The following DPP6 variants were observed in gnomAD, a reference collection of about 807,000 sequenced individuals.
The protein encoded by DPP6 is A-type potassium channel modulatory protein DPP6.
A neutral mutation model predicts 122.6 loss-of-function variants in DPP6; 69 were observed. The observed-to-expected ratio is 0.56, with a 90% CI of 0.46 to 0.69. The LOEUF (loss-of-function observed/expected upper bound fraction) is 0.69, where lower values mean the gene tolerates loss of function less well. Ranked by LOEUF, DPP6 falls within the 30% of genes least tolerant of loss-of-function variation. The pLI is 0.00. For missense variants in DPP6, 928 were observed against 1,116.9 expected, an observed-to-expected ratio of 0.83 and a Z score of 2.41; for synonymous variants, 418 against 433.1, an observed-to-expected ratio of 0.97 and a Z score of 0.43.
At chr7:154,410,476 A>C (rs781024646) in intron 1 of DPP6, among the ~76,000 whole-genome samples, 1 of 152,218 alleles carries the variant, frequency 6.6e-6, no homozygotes, top group African/African-American at 2.4e-5. Context: ...AGGCAGATGA[A>C]ACATTGAGAT....
At chr7:154,666,411 A>T (rs981850039) in intron 6 of DPP6, among the ~76,000 whole-genome samples, 2 of 152,090 alleles carry the variant, frequency 1.3e-5, no homozygotes, top group African/African-American at 4.8e-5. Flanking sequence ...AGGGTACAAT[A>T]TGATATTTTG....
At chr7:154,454,494 T>G (rs1820656692) in intron 2 of DPP6, among the ~76,000 whole-genome samples, 1 of 152,090 alleles carries the variant, frequency 6.6e-6, no homozygotes, top group East Asian at 1.9e-4. Flanking sequence ...AATGAGCAAT[T>G]AGGGACTTTA....
At chr7:154,579,666 T>C (rs1318771147) in intron 5 of DPP6, among the ~76,000 whole-genome samples, 1 of 152,184 alleles carries the variant, frequency 6.6e-6, no homozygotes, top group East Asian at 1.9e-4. Flanking sequence ...TGTCCTCTTC[T>C]GCCCCCCATG....
At chr7:154,014,946 C>G (rs1181656509) in intron 1 of DPP6, among the ~76,000 whole-genome samples, 1 of 152,136 alleles carries the variant, frequency 6.6e-6, no homozygotes, top group African/African-American at 2.4e-5. Flanking sequence ...CTCATTCCTT[C>G]TGGGTCTCAG....
At chr7:153,947,931 G>A (rs1207440795) in intron 1 of DPP6, among the ~76,000 whole-genome samples, 1 of 152,178 alleles carries the variant, frequency 6.6e-6, no homozygotes, top group Non-Finnish European at 1.5e-5. Flanking sequence ...AGTATGCCAA[G>A]GTAGCATCTT....
intron 16 of DPP6, among the ~76,000 whole-genome samples, chr7:154,820,332 C>T (rs560604132): frequency 7.9e-5 from 12 of 152,204 alleles, no homozygotes; most frequent in African/African-American, 2.6e-4. Context: ...TTCCAGAAGG[C>T]GTCACCTTTA....
At chr7:154,250,207 AGACG>A (rs1344460716) in intron 1 of DPP6, among the ~76,000 whole-genome samples, 45 of 152,108 alleles carry the variant, frequency 3.0e-4, no homozygotes, top group Non-Finnish European at 1.3e-4. Context: ...TTGGTTTTTG[AGACG>A]TGAGTCTTGC....
intron 10 of DPP6, among the ~76,000 whole-genome samples, chr7:154,793,237 C>T (rs149768243): frequency 1.2e-4 from 19 of 152,258 alleles, no homozygotes; most frequent in African/African-American, 3.4e-4. Flanking sequence ...TGATTGAACG[C>T]GCATTAGCTG....
chr7:154,389,640 T>A (rs911058447), intron 1 of DPP6, among the ~76,000 whole-genome samples: 3 of 152,046 alleles, frequency 2.0e-5, no homozygotes. Flanking sequence ...AAAGGCAGGG[T>A]TTTTTATTTT....
intron 1 of DPP6, among the ~76,000 whole-genome samples, chr7:154,291,743 G>A (rs776420101): frequency 3.3e-4 from 51 of 152,288 alleles, no homozygotes; most frequent in Middle Eastern, 3.4e-3. Context: ...CACAAACCCC[G>A]GTCCAATTGA....
intron 1 of DPP6, among the ~76,000 whole-genome samples, chr7:154,106,765 G>T (rs1806191259): frequency 6.6e-6 from 1 of 152,112 alleles, no homozygotes. Flanking sequence ...GAGAAAAGAG[G>T]CTGAAAGGCT....
chr7:154,825,258 C>T (rs1800064896), intron 16 of DPP6, among the ~76,000 whole-genome samples: 1 of 152,170 alleles, frequency 6.6e-6, no homozygotes, highest in Non-Finnish European at 1.5e-5. Context: ...AGTGGATGTG[C>T]TTAAGTGTCA....
the DPP6 span, among the ~76,000 whole-genome samples, chr7:153,785,175 G>A: frequency 1.0e-3 from 152 of 152,248 alleles, 2 homozygotes; most frequent in East Asian, 0.026. Context: ...ACTTAGTAAC[G>A]AGGAAAGAGC....
chr7:153,823,649 G>A, the DPP6 span, among the ~76,000 whole-genome samples: 5 of 150,544 alleles, frequency 3.3e-5, no homozygotes, highest in Non-Finnish European at 1.5e-5. Flanking sequence ...CGGGGATCAG[G>A]GAAGAGGACT....
intron 5 of DPP6, among the ~76,000 whole-genome samples, chr7:154,613,337 G>C (rs1179288980): frequency 1.3e-5 from 2 of 152,038 alleles, no homozygotes; most frequent in Non-Finnish European, 1.5e-5. Flanking sequence ...AACAGATGAA[G>C]CAGGCTGGGT....
intron 1 of DPP6, among the ~76,000 whole-genome samples, chr7:154,208,251 G>T (rs1473567407): frequency 6.6e-6 from 1 of 152,194 alleles, no homozygotes; most frequent in Non-Finnish European, 1.5e-5. Context: ...AGCATTTACA[G>T]AGATCCAGAA....
In DPP6 at chr7:154,398,468, C is replaced by T. The variant is rs556405887; in HGVS notation, c.244-47746C>T. 3.3e-5 allele frequency among the ~76,000 whole-genome samples: 5 copies of T among 152,288 alleles called. No homozygotes were observed. The South Asian group carries it at 8.3e-4, about 25-fold the overall frequency. On this transcript the variant is annotated intron_variant, in intron 1 of 25. Transcript: ENST00000377770. ...TTGTTCATTTGCACATCAAAGACTT[C>T]GTGACCAATCTGAACACCCTTGTAT...
Position 154,618,622 on chromosome 7 carries a change from G to T in DPP6, c.628-19199G>T, listed in dbSNP as rs753512826. Among the ~76,000 whole-genome samples, 1 of 152,168 alleles carries T rather than the reference G, an allele frequency of 6.6e-6. No homozygotes were observed. The highest frequency in any genetic ancestry group is 1.5e-5 in the Non-Finnish European group (1 of 68,028). On this transcript the variant is annotated intron_variant, in intron 5 of 25. Transcript: ENST00000377770. The surrounding 1 kb of genome is among the most constrained non-coding windows in gnomAD (Gnocchi z 4.1). ...TGTGCTCAGAGCCACGCACAGGATC[G>T]CTAGAAGCCGGGGCCACAGCCCAGC...
chr7:154,646,146 A>G, intron 6 of DPP6, among the ~76,000 whole-genome samples: 1 of 151,956 alleles, frequency 6.6e-6, no homozygotes, highest in Non-Finnish European at 1.5e-5. Context: ...AATTTGGGAC[A>G]GAAAATAAAT....
Sources: allele counts gnomAD v4.1 joint callset (sites outside exome capture counted in the v4.1 genomes callset), GRCh38; gene constraint gnomAD v4.1.1; non-coding constraint Gnocchi (gnomAD v3.1); transcripts MANE v1.5; gene names NCBI Gene and HGNC (gene_info 2026-07-23, HGNC 2026-07-21).